Variants in BBX observed in about 807,000 individuals in gnomAD.
The protein encoded by BBX is HMG box transcription factor BBX.
BBX carries 30 observed loss-of-function variants against 100.2 expected under a neutral mutation model. The ratio of observed to expected loss-of-function variants is 0.30; its 90% CI spans 0.22 to 0.41. The LOEUF (loss-of-function observed/expected upper bound fraction) is 0.41. BBX is among the 10% of genes least tolerant of loss of function. The probability of loss-of-function intolerance (pLI) is 1.00; values close to 1 mark genes in which losing one functional copy is unlikely to be tolerated. For synonymous variants in BBX, 376 were observed against 388.1 expected, an observed-to-expected ratio of 0.97 and a Z score of 0.37; for missense variants, 1,023 against 1,129.8, an observed-to-expected ratio of 0.91 and a Z score of 1.35.
intron 13 of BBX, among the ~76,000 whole-genome samples, chr3:107,784,168 A>T (rs968572143): frequency 6.6e-6 from 1 of 152,068 alleles, no homozygotes; most frequent in Admixed American, 6.6e-5. Flanking sequence ...GGGGAACCAG[A>T]CAATAAATAA....
chr3:107,599,933 T>C (rs1199197851), intron 2 of BBX, among the ~76,000 whole-genome samples: 1 of 144,048 alleles, frequency 6.9e-6, no homozygotes, highest in Non-Finnish European at 1.5e-5. Flanking sequence ...AATGAGAGAC[T>C]CCAAGTAGCC....
intron 2 of BBX, among the ~76,000 whole-genome samples, chr3:107,556,124 C>A (rs1286325241): frequency 2.0e-5 from 3 of 152,056 alleles, no homozygotes; most frequent in African/African-American, 2.4e-5. Flanking sequence ...GGGATCTGCT[C>A]AACTCTTTTG....
intron 2 of BBX, among the ~76,000 whole-genome samples, chr3:107,614,816 T>G (rs1313106076): frequency 2.0e-5 from 3 of 152,150 alleles, no homozygotes. Flanking sequence ...TTAGGTAGAT[T>G]GGTCTGGGAG....
At chr3:107,626,498 G>A (rs1305709200) in intron 2 of BBX, among the ~76,000 whole-genome samples, 1 of 152,140 alleles carries the variant, frequency 6.6e-6, no homozygotes, top group African/African-American at 2.4e-5. Flanking sequence ...ATCTCATGAA[G>A]TACAGTCAAG....
At chr3:107,588,986 A>G (rs2053076250) in intron 2 of BBX, among the ~76,000 whole-genome samples, 2 of 152,216 alleles carry the variant, frequency 1.3e-5, no homozygotes, top group African/African-American at 4.8e-5. Flanking sequence ...GATGTCTCCA[A>G]AGACCATCTG....
At position 107,810,104 on chromosome 3, in the gene BBX, A is replaced by T. The variant is rs1280546418; in HGVS notation, c.*4647A>T. The T allele has an allele frequency of 1.3e-5, 2 of 152,102 alleles. No homozygotes were observed. The highest frequency in any genetic ancestry group is 2.9e-5 in the Non-Finnish European group (2 of 68,024). The allele number at this position is 152,102 out of a possible 1,614,324, so 9.4% of individuals were successfully genotyped here. Reference sequence around the variant, plus strand: ...CTTATCTTCCTTATATTTCAGAACAAAGAAGCAACAAGCGTGAATAAAAAG... The same window carrying T: ...CTTATCTTCCTTATATTTCAGAACATAGAAGCAACAAGCGTGAATAAAAAG... On this transcript the variant is annotated 3_prime_UTR_variant, in exon 18 of 18. Coordinates refer to ENST00000325805, the MANE Select transcript of BBX (RefSeq NM_001142568.3).
chr3:107,679,715 G>A (rs551052564), intron 3 of BBX, among the ~76,000 whole-genome samples: 1 of 152,242 alleles, frequency 6.6e-6, no homozygotes, highest in South Asian at 2.1e-4. Context: ...AAAGGGATTA[G>A]TACAGTCCAG....
At chr3:107,626,582 A>C (rs2056191249) in intron 2 of BBX, among the ~76,000 whole-genome samples, 1 of 151,924 alleles carries the variant, frequency 6.6e-6, no homozygotes, top group Non-Finnish European at 1.5e-5. Flanking sequence ...GTTCACTCAC[A>C]TGCCTGGCAA....
At chr3:107,722,729 C>T (rs1285544709) in intron 5 of BBX, among the ~76,000 whole-genome samples, 4 of 151,890 alleles carry the variant, frequency 2.6e-5, no homozygotes, top group African/African-American at 7.3e-5. Flanking sequence ...ATTCAATTTT[C>T]TGTCAGTGAA....
chr3:107,573,183 A>C (rs1418925971), intron 2 of BBX, among the ~76,000 whole-genome samples: 1 of 152,254 alleles, frequency 6.6e-6, no homozygotes, highest in Non-Finnish European at 1.5e-5. Context: ...ATGGAGATTA[A>C]GAAGCATTCT....
At chr3:107,692,632 A>G (rs1276649695) in intron 3 of BBX, among the ~76,000 whole-genome samples, 6 of 151,724 alleles carry the variant, frequency 4.0e-5, no homozygotes, top group Admixed American at 3.9e-4. Flanking sequence ...AGTCTTTGCT[A>G]TTGTGAATAG....
chr3:107,734,709 A>G (rs1560064344), intron 7 of BBX, among the ~76,000 whole-genome samples: 1 of 152,160 alleles, frequency 6.6e-6, no homozygotes, highest in Non-Finnish European at 1.5e-5. Flanking sequence ...AAACAAATCA[A>G]CGTCTGTAGA....
At chr3:107,531,825 T>C (rs2048180426) in intron 2 of BBX, among the ~76,000 whole-genome samples, 1 of 152,216 alleles carries the variant, frequency 6.6e-6, no homozygotes. Flanking sequence ...TCTTTTCATA[T>C]TTCACGGTAG....
At chr3:107,539,631 G>A (rs1478548512) in intron 2 of BBX, among the ~76,000 whole-genome samples, 1 of 152,102 alleles carries the variant, frequency 6.6e-6, no homozygotes, top group African/African-American at 2.4e-5. Context: ...TTGAGCATGT[G>A]TTCCTTGATA....
chr3:107,578,769 G>A (rs372714237), intron 2 of BBX, among the ~76,000 whole-genome samples: 7 of 152,122 alleles, frequency 4.6e-5, no homozygotes, highest in African/African-American at 1.7e-4. Context: ...TTCACAGGGA[G>A]CAGATGAGAG....
chr3:107,665,700 G>T (rs2058703051), intron 3 of BBX, among the ~76,000 whole-genome samples: 2 of 152,274 alleles, frequency 1.3e-5, no homozygotes, highest in South Asian at 4.1e-4. Context: ...TCTGAGTTCT[G>T]CCTTCTTGCT....
chr3:107,588,023 T>C (rs2052996824), intron 2 of BBX, among the ~76,000 whole-genome samples: 1 of 152,248 alleles, frequency 6.6e-6, no homozygotes, highest in African/African-American at 2.4e-5. Context: ...TACGTATCAC[T>C]GACCAGAATT....
At chr3:107,645,098 G>C (rs905032423) in intron 2 of BBX, among the ~76,000 whole-genome samples, 1 of 152,134 alleles carries the variant, frequency 6.6e-6, no homozygotes, top group Admixed American at 6.5e-5. Flanking sequence ...TTTTAGTTGA[G>C]TGTGGATTTA....
At chr3:107,615,556 C>G (rs568337849) in intron 2 of BBX, among the ~76,000 whole-genome samples, 5 of 152,208 alleles carry the variant, frequency 3.3e-5, no homozygotes, top group African/African-American at 9.6e-5. Context: ...CCATCACGAT[C>G]TAATCACTAC....
Sources: allele counts gnomAD v4.1 joint callset (sites outside exome capture counted in the v4.1 genomes callset), GRCh38; gene constraint gnomAD v4.1.1; transcripts MANE v1.5; gene names NCBI Gene and HGNC (gene_info 2026-07-23, HGNC 2026-07-21).